The following ZNF438 variants were observed in gnomAD, a reference collection of about 807,000 sequenced individuals.
ZNF438 encodes the protein zinc finger protein 438.
Under a neutral mutation model 38.0 loss-of-function variants are expected in ZNF438, and 25 were observed. The ratio of observed to expected loss-of-function variants is 0.66; its 90% CI spans 0.48 to 0.92. ZNF438 has a LOEUF of 0.92. Among genes scored for constraint, ZNF438 ranks in the 40% least tolerant of loss-of-function variants. The probability of loss-of-function intolerance (pLI) is 0.00; values close to 1 mark genes in which losing one functional copy is unlikely to be tolerated. For synonymous variants in ZNF438, 372 were observed against 364.1 expected, an observed-to-expected ratio of 1.02 and a Z score of -0.25; for missense variants, 1,007 against 999.6, an observed-to-expected ratio of 1.01 and a Z score of -0.10.
At chr10:30,977,955 C>A (rs745751241) in intron 1 of ZNF438, among the ~76,000 whole-genome samples, 1 of 150,264 alleles carries the variant, frequency 6.7e-6, no homozygotes, top group Non-Finnish European at 1.5e-5. Context: ...ACACTCCAGG[C>A]TGGGTGACAG....
At chr10:30,880,185 C>A (rs1337002408) in intron 3 of ZNF438, among the ~76,000 whole-genome samples, 1 of 152,114 alleles carries the variant, frequency 6.6e-6, no homozygotes, top group Non-Finnish European at 1.5e-5. Flanking sequence ...AATCCCAGCA[C>A]TTTGGGAGAC....
chr10:30,942,401 G>A (rs1329637723), intron 1 of ZNF438, among the ~76,000 whole-genome samples: 1 of 152,214 alleles, frequency 6.6e-6, no homozygotes, highest in East Asian at 1.9e-4. Context: ...TCAAAAAGCA[G>A]TGAGATCTAT....
At chr10:30,908,654 T>C (rs1447066491) in intron 3 of ZNF438, among the ~76,000 whole-genome samples, 1 of 152,222 alleles carries the variant, frequency 6.6e-6, no homozygotes, top group Admixed American at 6.5e-5. Flanking sequence ...ATGACTACAA[T>C]GTACGCTGCA....
At chr10:30,971,009 T>C (rs1370629114) in intron 1 of ZNF438, among the ~76,000 whole-genome samples, 1 of 152,208 alleles carries the variant, frequency 6.6e-6, no homozygotes, top group African/African-American at 2.4e-5. Context: ...AAAGGCCAAC[T>C]GCACAAGAAT....
At chr10:30,875,931 A>G (rs1338444790) in intron 4 of ZNF438, among the ~76,000 whole-genome samples, 4 of 152,184 alleles carry the variant, frequency 2.6e-5, no homozygotes, top group East Asian at 1.9e-4. Context: ...TTATCATCAT[A>G]TAAGTGCCTA....
chr10:30,964,384 A>T (rs1200091134), intron 1 of ZNF438, among the ~76,000 whole-genome samples: 1 of 152,202 alleles, frequency 6.6e-6, no homozygotes, highest in Non-Finnish European at 1.5e-5. Flanking sequence ...CACTTAGCTC[A>T]TAACTATATT....
At chr10:31,002,717 T>C (rs538954287) in intron 1 of ZNF438, among the ~76,000 whole-genome samples, 88 of 152,326 alleles carry the variant, frequency 5.8e-4, no homozygotes, top group African/African-American at 1.9e-3. Context: ...TAATTCATTT[T>C]AATTCAGGTT....
intron 1 of ZNF438, among the ~76,000 whole-genome samples, chr10:31,027,902 A>G (rs937663820): frequency 2.0e-5 from 3 of 152,202 alleles, no homozygotes; most frequent in African/African-American, 7.2e-5. Context: ...CATAAAATCT[A>G]CGGCAGTGCA....
chr10:30,951,409 C>T (rs1206344631), intron 1 of ZNF438, among the ~76,000 whole-genome samples: 2 of 151,120 alleles, frequency 1.3e-5, no homozygotes, highest in Non-Finnish European at 3.0e-5. Context: ...GGCAATTAGG[C>T]AGGAGAAGGA....
chr10:30,924,458 C>T (rs1407989212), intron 2 of ZNF438, among the ~76,000 whole-genome samples: 1 of 152,190 alleles, frequency 6.6e-6, no homozygotes, highest in African/African-American at 2.4e-5. Context: ...ATGTGGTGAT[C>T]TGGTGAGATT....
At position 30,848,609 on chromosome 10, in the gene ZNF438, G is replaced by A. The variant is rs147456266; in HGVS notation, c.1796C>T (p.Ala599Val). 5.0e-6 allele frequency: 8 copies of A among 1,613,906 alleles called. No individual in the cohort carries two copies. The South Asian group carries it at 5.5e-5, about 11-fold the overall frequency. ...GTCTCCTGGCTGCAGTTCACTGGGCGCAGGCTCAGTGCTGATCACAACCCT... is the reference window on the plus strand; with the variant it reads ...GTCTCCTGGCTGCAGTTCACTGGGCACAGGCTCAGTGCTGATCACAACCCT... Residue 599 changes from alanine to valine, a missense_variant, in exon 5 of 6, where the codon GCG becomes GTG. Physicochemically the swap from Ala to Val is moderately conservative, Grantham distance 64. Transcript: ENST00000413025.
chr10:30,941,193 TC>T (rs1357525440), intron 2 of ZNF438, among the ~76,000 whole-genome samples: 1 of 152,130 alleles, frequency 6.6e-6, no homozygotes, highest in East Asian at 1.9e-4. Flanking sequence ...TGTCTCAGCC[TC>T]CCAAGTAGCT....
In ZNF438 at chr10:30,974,289, G is replaced by T. The variant is rs1589514960; in HGVS notation, c.-191-32638C>A. Among the ~76,000 whole-genome samples the T allele has an allele frequency of 3.9e-5, 6 of 152,196 alleles. No individual in the cohort carries two copies. The South Asian group carries it at 1.2e-3, about 31-fold the overall frequency. ...GAGACCAAGAGTTTGAGATCAGCCT[G>T]TTTAAGACAGGGAGACCCCATCTCT... On this transcript the variant is annotated intron_variant, in intron 1 of 5. Transcript: ENST00000413025.
chr10:31,030,988 G>A (rs1416423220), intron 1 of ZNF438, among the ~76,000 whole-genome samples: 1 of 152,176 alleles, frequency 6.6e-6, no homozygotes, highest in Non-Finnish European at 1.5e-5. Context: ...AGACAACGGG[G>A]GCATTGTAAT....
intron 1 of ZNF438, among the ~76,000 whole-genome samples, chr10:31,023,648 T>A (rs1178731753): frequency 6.6e-6 from 1 of 152,238 alleles, no homozygotes; most frequent in African/African-American, 2.4e-5. Flanking sequence ...GATTGTTCTT[T>A]GGCTCTAGTC....
intron 3 of ZNF438, among the ~76,000 whole-genome samples, chr10:30,880,528 A>C (rs535345192): frequency 4.9e-4 from 74 of 152,170 alleles, no homozygotes; most frequent in African/African-American, 1.7e-3. Flanking sequence ...TAGAATTCTT[A>C]GACCTCTAGG....
intron 3 of ZNF438, among the ~76,000 whole-genome samples, chr10:30,898,955 A>C (rs1160405392): frequency 6.6e-6 from 1 of 152,202 alleles, no homozygotes; most frequent in Non-Finnish European, 1.5e-5. Flanking sequence ...TTAAGGATGG[A>C]TCTTCAAAAT....
intron 2 of ZNF438, among the ~76,000 whole-genome samples, chr10:30,927,080 G>A (rs988861647): frequency 2.3e-4 from 35 of 152,228 alleles, no homozygotes; most frequent in African/African-American, 8.4e-4. Context: ...AGTTTTGAGA[G>A]TAGAAGAGAG....
At chr10:31,014,238 C>A (rs972620633) in intron 1 of ZNF438, among the ~76,000 whole-genome samples, 20 of 152,146 alleles carry the variant, frequency 1.3e-4, no homozygotes, top group Admixed American at 1.0e-3. Context: ...TTTGTCTGAG[C>A]TACCACAACA....
Sources: gnomAD v4.1 joint callset for allele counts (sites outside exome capture counted in the v4.1 genomes callset) on GRCh38, gnomAD v4.1.1 for gene constraint, MANE v1.5 for transcripts, NCBI Gene and HGNC (gene_info 2026-07-23, HGNC 2026-07-21) for gene names.